RPL23A: variants seen among roughly 807,000 people sequenced by gnomAD.
RPL23A encodes the protein large ribosomal subunit protein uL23.
A neutral mutation model predicts 17.6 loss-of-function variants in RPL23A; 2 were observed. The ratio of observed to expected loss-of-function variants is 0.11; its 90% CI spans 0.05 to 0.36. RPL23A has a LOEUF of 0.36. Among genes scored for constraint, RPL23A ranks in the 10% least tolerant of loss-of-function variants. The probability of loss-of-function intolerance (pLI) is 1.00; values close to 1 mark genes in which losing one functional copy is unlikely to be tolerated. For missense variants in RPL23A, 132 were observed against 194.4 expected (o/e 0.68, Z 1.91); for synonymous variants, 65 against 74.3 (o/e 0.87, Z 0.65).
In RPL23A at chr17:28,720,014, G is replaced by T. The variant is rs1337583092; in HGVS notation, c.9G>T (p.Pro3=). ...GAGACCCTTTTCACAAGATGGCGCC[G>T]AAAGCGAAGAAGGAAGGTGTGTGTT... MA[P]KAKKEAPAPP... The change falls in exon 1 of 5, where the codon CCG becomes CCT. Residue 3 remains proline, a synonymous_variant. Transcript: ENST00000422514. The T allele has an allele frequency of 1.9e-6, 3 of 1,551,918 alleles. No individual in the cohort carries two copies. Among genetic ancestry groups the T allele is most frequent in the Non-Finnish European group, 1.7e-6 (2 of 1,147,080 alleles).
At position 28,723,601 on chromosome 17, in the gene RPL23A, A is replaced by T. The variant is rs2034155617; in HGVS notation, c.417A>T (p.Arg139=). The T allele has an allele frequency of 6.2e-7, 1 of 1,613,942 alleles. No individual in the cohort carries two copies. The highest frequency in any genetic ancestry group is 8.5e-7 in the Non-Finnish European group (1 of 1,179,980). Residue 139 remains arginine, a synonymous_variant, in exon 4 of 5, where the codon CGA becomes CGT. Coordinates refer to ENST00000422514, the MANE Select transcript of RPL23A (RefSeq NM_000984.6). ...ATGGAGAGAAGAAGGCATATGTTCGACTGGCTCCTGATTACGATGCTTTGG... is the reference window on the plus strand; with the variant it reads ...ATGGAGAGAAGAAGGCATATGTTCGTCTGGCTCCTGATTACGATGCTTTGG... ...RPDGEKKAYV[R]LAPDYDALDV... is the part of the protein sequence containing the mutation.
At chr17:28,720,246 G>C (rs1365491845) in intron 1 of RPL23A, 1 of 1,541,520 alleles carries the variant, frequency 6.5e-7, no homozygotes, top group South Asian at 1.2e-5. Flanking sequence ...AACGCGGCAG[G>C]CATCATCCGC....
At position 28,720,471 on chromosome 17, in the gene RPL23A, A is replaced by G. The variant is rs8068628; in HGVS notation, c.26-236A>G. On this transcript the variant is annotated intron_variant, in intron 1 of 4. Coordinates refer to ENST00000422514, the MANE Select transcript of RPL23A (RefSeq NM_000984.6). ...GTAGGACATTTTCTGGAAAGTATCA[A>G]GCGTTCATTCAGTGCTACTTTGTTT... 8 of 1,605,404 alleles carry G rather than the reference A, an allele frequency of 5.0e-6. No individual in the cohort carries two copies. The African/African-American group carries it at 6.7e-5, about 13-fold the overall frequency.
chr17:28,721,302 G>T (rs1283370920), intron 2 of RPL23A: 1 of 185,228 alleles, frequency 5.4e-6, no homozygotes, highest in African/African-American at 2.4e-5. Flanking sequence ...TGCGGTGAGC[G>T]GAGATCGTAC....
chr17:28,720,503 C>T (rs2034095267), intron 1 of RPL23A: 4 of 1,557,252 alleles, frequency 2.6e-6, no homozygotes, highest in Non-Finnish European at 2.7e-6. Context: ...GTTTCATAGT[C>T]GTATCCCTGG....
rs2034146599 is a variant in RPL23A, at chr17:28,723,170, G to A, written c.386+271G>A. The A allele has an allele frequency of 9.6e-6, 5 of 523,390 alleles. No individual in the cohort carries two copies. In the Admixed American group the frequency reaches 1.7e-4, roughly 18 times the overall value. The allele number at this position is 523,390 out of a possible 1,614,324, so 32.4% of individuals were successfully genotyped here. On this transcript the variant is annotated intron_variant, in intron 3 of 4. Coordinates refer to ENST00000422514, the MANE Select transcript of RPL23A (RefSeq NM_000984.6). ...TTTCAGCAGGGGAAAAAGGTTCCTT[G>A]ACTTAAACTTGGTGTAGGTTTAGCA...
rs758656385 is a variant in RPL23A, at chr17:28,722,606, C to T, written c.210-117C>T. ...GGGTGCAGATGATGACACTGTAAAG[C>T]GACCAAAGTCTGAACAAAGTGATTG... On this transcript the variant is annotated intron_variant, in intron 2 of 4. Coordinates refer to ENST00000422514, the MANE Select transcript of RPL23A (RefSeq NM_000984.6). 48 of 884,038 alleles carry T rather than the reference C, an allele frequency of 5.4e-5. 1 individual carries two copies. The highest frequency in any genetic ancestry group is 4.1e-4 in the Admixed American group (24 of 59,084). The allele number at this position is 884,038 out of a possible 1,614,324, so 54.8% of individuals were successfully genotyped here.
At chr17:28,722,943 T>C in intron 3 of RPL23A, 44 bp downstream of exon 3, 1 of 1,557,226 alleles carries the variant, frequency 6.4e-7, no homozygotes, top group Non-Finnish European at 8.8e-7. Flanking sequence ...GGACCAGCAG[T>C]CTGGAGCCAA....
At chr17:28,723,687 A>C (rs905023336) in intron 4 of RPL23A, 47 bp downstream of exon 4, 3 of 1,536,780 alleles carry the variant, frequency 2.0e-6, no homozygotes, top group Non-Finnish European at 2.7e-6. Flanking sequence ...CCTTGGGTGC[A>C]AATGATGCAT....
chr17:28,723,545 G>C (rs2034154780), intron 3 of RPL23A, 26 bp from the exon 4 acceptor site: 1 of 1,589,208 alleles, frequency 6.3e-7, no homozygotes, highest in African/African-American at 1.3e-5. Context: ...GGGTGGCAGG[G>C]ACTAAGGCTT....
chr17:28,723,386 T>G, intron 3 of RPL23A, 185 bp from the exon 4 acceptor site: 1 of 765,326 alleles, frequency 1.3e-6, no homozygotes, highest in Non-Finnish European at 2.4e-6. Context: ...GCCTGTGGTG[T>G]TTCCCATAAG....
chr17:28,720,234 G>A (rs1426970417), intron 1 of RPL23A: 31 of 1,538,508 alleles, frequency 2.0e-5, no homozygotes, highest in Admixed American at 3.9e-5. Flanking sequence ...TTGGGGGGGG[G>A]CAACGCGGCA....
At chr17:28,721,204 TCGC>T (rs2034108553) in intron 2 of RPL23A, 3 of 255,622 alleles carry the variant, frequency 1.2e-5, no homozygotes, top group South Asian at 4.2e-5. Flanking sequence ...AATAGAAAAT[TCGC>T]CGGGCATGGT....
chr17:28,720,185 G>A, intron 1 of RPL23A, 155 bp downstream of exon 1: 4 of 1,527,492 alleles, frequency 2.6e-6, no homozygotes, highest in African/African-American at 1.4e-5. Flanking sequence ...CGTGGGCCGC[G>A]TGGGCCCAGC....
chr17:28,720,784 C>T lies in RPL23A; in HGVS notation c.103C>T (p.His35Tyr), dbSNP rs1366243725. The stretch of plus-strand genomic sequence containing the variant: ...GGCAGTGTTGAAAGGTGTCCACAGC[C>T]ACAAAAAGAAGAAGATCCGCACGTC... Reference protein sequence around the residue: ...KKAVLKGVHSHKKKKIRTSPT... With the variant: ...KKAVLKGVHSYKKKKIRTSPT... Residue 35 changes from histidine to tyrosine, a missense_variant, in exon 2 of 5, where the codon CAC becomes TAC. Coordinates refer to ENST00000422514, the MANE Select transcript of RPL23A (RefSeq NM_000984.6). 5 of 1,612,784 alleles carry T rather than the reference C, an allele frequency of 3.1e-6. No individual in the cohort carries two copies. The highest frequency in any genetic ancestry group is 4.2e-6 in the Non-Finnish European group (5 of 1,178,886).
intron 3 of RPL23A, chr17:28,723,198 G>A (rs980455596): frequency 5.6e-6 from 3 of 532,058 alleles, no homozygotes; most frequent in Middle Eastern, 5.0e-4. Flanking sequence ...GTTTAGCAGT[G>A]TGTGTGAGCC....
At chr17:28,723,462 A>C in intron 3 of RPL23A, 109 bp from the exon 4 acceptor site, 2 of 836,758 alleles carry the variant, frequency 2.4e-6, no homozygotes, top group Admixed American at 1.7e-5. Flanking sequence ...ATTGGAAAAG[A>C]ATGACATGAA....
At position 28,724,324 on chromosome 17, in the gene RPL23A, C is replaced by G; in HGVS notation, c.*443C>G. 1.3e-6 allele frequency: 1 copy of G among 790,194 alleles called. No homozygotes were observed. The highest frequency in any genetic ancestry group is 2.5e-5 in the East Asian group (1 of 40,466). The allele number at this position is 790,194 out of a possible 1,614,324, so 48.9% of individuals were successfully genotyped here. On this transcript the variant is annotated 3_prime_UTR_variant, in exon 5 of 5. Coordinates refer to ENST00000422514, the MANE Select transcript of RPL23A (RefSeq NM_000984.6). Reference sequence around the variant, plus strand: ...AACCGGTCTGTCTGCTTCCCTCACCCCTTGCCCAATAAAGGACAAGGACTT... The same window carrying G: ...AACCGGTCTGTCTGCTTCCCTCACCGCTTGCCCAATAAAGGACAAGGACTT...
chr17:28,723,706 G>C (rs553853018), intron 4 of RPL23A, 66 bp downstream of exon 4: 2 of 1,489,224 alleles, frequency 1.3e-6, no homozygotes, highest in South Asian at 1.1e-5. Context: ...ATATGTTAGC[G>C]ACCAAAGCCT....
Sources: allele counts gnomAD v4.1 joint callset, GRCh38; gene constraint gnomAD v4.1.1; transcripts MANE v1.5; gene names NCBI Gene and HGNC (gene_info 2026-07-23, HGNC 2026-07-21).